Variants in LINS1 observed in about 807,000 individuals in gnomAD.
LINS1 encodes lines homolog 1, also known as protein Lines homolog 1.
Under a neutral mutation model 41.6 loss-of-function variants are expected in LINS1, and 27 were observed. The ratio of observed to expected loss-of-function variants is 0.65; its 90% CI spans 0.48 to 0.89. The LOEUF is 0.89. LINS1 is among the 40% of genes least tolerant of loss of function. LINS1 has a pLI of 0.00. For synonymous variants in LINS1, 336 were observed against 312.9 expected (o/e 1.07, Z -0.78); for missense variants, 955 against 884.1 (o/e 1.08, Z -1.02).
chr15:100,599,506 A>G (rs1409959537), intron 1 of LINS1, among the ~76,000 whole-genome samples: 1 of 152,236 alleles, frequency 6.6e-6, no homozygotes, highest in Non-Finnish European at 1.5e-5. Flanking sequence ...ACTAGGAATT[A>G]GGAGACAACT....
chr15:100,594,520 A>G (rs1334338992), intron 1 of LINS1, among the ~76,000 whole-genome samples: 3 of 152,202 alleles, frequency 2.0e-5, no homozygotes, highest in Non-Finnish European at 4.4e-5. Context: ...AGGACTCTCT[A>G]AGGATACCAA....
At chr15:100,573,577 G>C (rs762325229) in intron 5 of LINS1, 74 bp downstream of exon 5, 2 of 985,052 alleles carry the variant, frequency 2.0e-6, no homozygotes, top group Non-Finnish European at 3.2e-6. Flanking sequence ...CTAGTCCTGA[G>C]ATTTGATAAT....
chr15:100,572,102 T>C lies in LINS1; in HGVS notation c.1223-37A>G, dbSNP rs140113646. 1.3e-4 allele frequency: 204 copies of C among 1,611,828 alleles called. 2 individuals are homozygous for C. In the East Asian group the frequency reaches 4.5e-3, roughly 35 times the overall value. On this transcript the variant is annotated intron_variant, in intron 5 of 6. Transcript: ENST00000314742. ...GAAAATTTCAAAGTGTAGGCAATAG[T>C]TTATGAATGAATGAATATCTTGCCT...
At chr15:100,598,372 C>T (rs1865228903) in intron 1 of LINS1, among the ~76,000 whole-genome samples, 1 of 152,140 alleles carries the variant, frequency 6.6e-6, no homozygotes, top group East Asian at 1.9e-4. Flanking sequence ...TTAAAAACAC[C>T]ATGTAATATT....
At chr15:100,585,253 C>A (rs919532873) in intron 1 of LINS1, among the ~76,000 whole-genome samples, 2 of 152,230 alleles carry the variant, frequency 1.3e-5, no homozygotes, top group African/African-American at 4.8e-5. Flanking sequence ...ACCTCAGTCT[C>A]TACAAAGGGG....
Position 100,571,901 on chromosome 15 carries a change from G to T in LINS1, c.1387C>A (p.Leu463Met). Residue 463 changes from leucine (L) to methionine (M), a missense_variant, in exon 6 of 7, where the codon CTG becomes ATG. Leu to Met is a conservative substitution (Grantham distance 15). Transcript: ENST00000314742. ...ACTTTAAAATACACTAACCTGGTCAGTGTTAAGTAGATGCCCAGTGATGCC... is the reference window on the plus strand; with the variant it reads ...ACTTTAAAATACACTAACCTGGTCATTGTTAAGTAGATGCCCAGTGATGCC... ...AKASLGIYLT[L>M]TRGCEATESL... 2 of 1,614,168 alleles carry T rather than the reference G, an allele frequency of 1.2e-6. No homozygotes were observed. The highest frequency in any genetic ancestry group is 1.7e-6 in the Non-Finnish European group (2 of 1,180,016).
At chr15:100,576,744 T>A (rs1395161845) in intron 3 of LINS1, 1 of 152,148 alleles carries the variant, frequency 6.6e-6, no homozygotes, top group Non-Finnish European at 1.5e-5. Flanking sequence ...TAGACCAATA[T>A]CCCTGATGAA....
In LINS1 at chr15:100,573,802, T is replaced by C; in HGVS notation, c.1071A>G (p.Glu357=). ...SGLLKTLSVY[E]KHSFFGGDEV... is the part of the protein sequence containing the mutation. ...CATCACCTCCAAAAAAGGAATGTTTTTCATAAACAGACAGTGTCTTCAACA... is the reference window on the plus strand; with the variant it reads ...CATCACCTCCAAAAAAGGAATGTTTCTCATAAACAGACAGTGTCTTCAACA... The change falls in exon 5 of 7, where the codon GAA becomes GAG. Residue 357 remains glutamate, a synonymous_variant. Coordinates refer to ENST00000314742, the MANE Select transcript of LINS1 (RefSeq NM_001040616.3). 6.2e-7 allele frequency: 1 copy of C among 1,614,228 alleles called. No individual in the cohort carries two copies.
At chr15:100,576,160 G>A (rs2038162393) in intron 3 of LINS1, among the ~76,000 whole-genome samples, 1 of 152,094 alleles carries the variant, frequency 6.6e-6, no homozygotes, top group South Asian at 2.1e-4. Context: ...CAGAAGGCAA[G>A]AAATAACTAA....
Position 100,569,328 on chromosome 15 carries a change from C to A in LINS1, c.2184G>T (p.Lys728Asn). 1 of 1,613,974 alleles carries A rather than the reference C, an allele frequency of 6.2e-7. No homozygotes were observed. Among genetic ancestry groups the A allele is most frequent in the South Asian group, 1.1e-5 (1 of 91,076 alleles). ...ELQDAICRLQ[K>N]KNLFPYNPTA... ...TTGGATTATATGGGAAAAGATTTTTCTTTTGCAAACGGCAGATGGCATCTT... is the reference window on the plus strand; with the variant it reads ...TTGGATTATATGGGAAAAGATTTTTATTTTGCAAACGGCAGATGGCATCTT... Residue 728 changes from lysine (K) to asparagine (N), a missense_variant, in exon 7 of 7, where the codon AAG (lysine) becomes AAT (asparagine). Transcript: ENST00000314742.
chr15:100,577,093 A>G (rs1441256416), intron 3 of LINS1, among the ~76,000 whole-genome samples: 1 of 152,246 alleles, frequency 6.6e-6, no homozygotes, highest in African/African-American at 2.4e-5. Context: ...AAAAACTGGA[A>G]GCATTCCCTT....
In LINS1 at chr15:100,575,136, T is replaced by G; in HGVS notation, c.490-8A>C. 1 of 1,608,334 alleles carries G rather than the reference T, an allele frequency of 6.2e-7. No homozygotes were observed. The highest frequency in any genetic ancestry group is 8.5e-7 in the Non-Finnish European group (1 of 1,177,374). On this transcript the variant is annotated splice_polypyrimidine_tract_variant and splice_region_variant and intron_variant, in intron 3 of 6. Transcript: ENST00000314742. ...GGAATTACTTAAGGTTATCTACAAGTGAGAAAATAAAGCAAGCAGTTAAAA... is the reference window on the plus strand; with the variant it reads ...GGAATTACTTAAGGTTATCTACAAGGGAGAAAATAAAGCAAGCAGTTAAAA...
intron 3 of LINS1, among the ~76,000 whole-genome samples, chr15:100,578,600 C>T (rs1165138339): frequency 1.1e-4 from 16 of 152,176 alleles, no homozygotes; most frequent in South Asian, 8.3e-4. Flanking sequence ...GTTCAACCAG[C>T]GTGGAAGACA....
At chr15:100,598,445 C>A (rs996331049) in intron 1 of LINS1, among the ~76,000 whole-genome samples, 1 of 152,116 alleles carries the variant, frequency 6.6e-6, no homozygotes, top group Non-Finnish European at 1.5e-5. Context: ...ACAGTAGTAT[C>A]CATAGCAGGG....
chr15:100,582,658 C>G (rs2038609191), intron 1 of LINS1, among the ~76,000 whole-genome samples: 1 of 147,892 alleles, frequency 6.8e-6, no homozygotes, highest in African/African-American at 2.5e-5. Flanking sequence ...ACACTATGGC[C>G]CACTAGCCTA....
Position 100,569,740 on chromosome 15 carries a change from G to C in LINS1, c.1772C>G (p.Ser591Cys), listed in dbSNP as rs150637522. The change falls in exon 7 of 7, where the codon TCC becomes TGC. Residue 591 changes from serine to cysteine, a missense_variant. Transcript: ENST00000314742. ...TTCAGAGGGAGCATCGGAAGCCCAG[G>C]AGTGCCGAGCACACACATCTCTGTG... ...HSHRDVCARH[S>C]WASDAPSEPL... The C allele has an allele frequency of 8.7e-6, 14 of 1,613,652 alleles. No homozygotes were observed. In the African/African-American group the frequency reaches 1.7e-4, roughly 20 times the overall value.
At chr15:100,588,050 G>C (rs1016720070) in intron 1 of LINS1, among the ~76,000 whole-genome samples, 7 of 152,236 alleles carry the variant, frequency 4.6e-5, no homozygotes, top group African/African-American at 1.7e-4. Context: ...AAAGGTAAAT[G>C]TCACTGTTTA....
At chr15:100,575,272 T>C (rs994562217) in intron 3 of LINS1, 144 bp from the exon 4 acceptor site, 8 of 640,244 alleles carry the variant, frequency 1.2e-5, no homozygotes, top group African/African-American at 7.4e-5. Flanking sequence ...TATCCTAATA[T>C]TATTTAAGTA....
intron 3 of LINS1, among the ~76,000 whole-genome samples, chr15:100,577,087 A>T (rs1328863651): frequency 1.3e-5 from 2 of 152,178 alleles, no homozygotes; most frequent in Non-Finnish European, 2.9e-5. Flanking sequence ...ATGGGCAAAA[A>T]CTGGAAGCAT....
Sources: allele counts gnomAD v4.1 joint callset (sites outside exome capture counted in the v4.1 genomes callset), GRCh38; gene constraint gnomAD v4.1.1; transcripts MANE v1.5; gene names NCBI Gene and HGNC (gene_info 2026-07-23, HGNC 2026-07-21).